The following LAMB1 variants were observed in gnomAD, a reference collection of about 807,000 sequenced individuals.
LAMB1 encodes the protein laminin subunit beta-1.
A neutral mutation model predicts 222.3 loss-of-function variants in LAMB1; 121 were observed. That is an observed-to-expected ratio of 0.54 (90% CI 0.47 to 0.63). The LOEUF is 0.63. Ranked by LOEUF, LAMB1 falls within the 30% of genes least tolerant of loss-of-function variation. The probability of loss-of-function intolerance (pLI) is 0.00; values close to 1 mark genes in which losing one functional copy is unlikely to be tolerated. For synonymous variants in LAMB1, 794 were observed against 807.2 expected, an observed-to-expected ratio of 0.98 and a Z score of 0.28; for missense variants, 2,172 against 2,240.8, an observed-to-expected ratio of 0.97 and a Z score of 0.62.
At chr7:107,982,120 A>T (rs564880523) in intron 7 of LAMB1, among the ~76,000 whole-genome samples, 1 of 152,304 alleles carries the variant, frequency 6.6e-6, no homozygotes, top group East Asian at 1.9e-4. Flanking sequence ...ACTTCTGCTT[A>T]TTGTAAATGC....
chr7:107,995,539 A>G (rs2034265952), intron 4 of LAMB1, among the ~76,000 whole-genome samples: 1 of 152,274 alleles, frequency 6.6e-6, no homozygotes, highest in Non-Finnish European at 1.5e-5. Context: ...ATGAAAAACA[A>G]CGCCAGAGAA....
At chr7:107,924,170 T>A in intron 33 of LAMB1, 60 bp downstream of exon 33, 1 of 1,545,934 alleles carries the variant, frequency 6.5e-7, no homozygotes, top group Non-Finnish European at 8.7e-7. Context: ...TTTTCACTTT[T>A]AAATAAACTA....
chr7:107,990,141 C>A (rs1428222295), intron 5 of LAMB1, among the ~76,000 whole-genome samples: 1 of 152,094 alleles, frequency 6.6e-6, no homozygotes, highest in African/African-American at 2.4e-5. Context: ...CGGGCTCAAG[C>A]AATCCTCCAA....
At chr7:107,979,040 G>A (rs2033923208) in intron 8 of LAMB1, among the ~76,000 whole-genome samples, 1 of 152,184 alleles carries the variant, frequency 6.6e-6, no homozygotes, top group African/African-American at 2.4e-5. Flanking sequence ...ATTACCAGGT[G>A]GTTTTACATA....
At position 107,961,284 on chromosome 7, in the gene LAMB1, G is replaced by A; in HGVS notation, c.2031C>T (p.Asn677=). Residue 677 remains asparagine, a synonymous_variant, in exon 17 of 34, where the codon AAC becomes AAT. Transcript: ENST00000222399. Reference sequence around the variant, plus strand: ...GAGGCAGCTCCAACCTCACCGTGTAGTTTGTTCCCTTCTCAAAGCACACCG... The same window carrying A: ...GAGGCAGCTCCAACCTCACCGTGTAATTTGTTCCCTTCTCAAAGCACACCG... ...PRPVCFEKGT[N]YTVRLELPQY... is the part of the protein sequence containing the mutation. The A allele has an allele frequency of 6.2e-7, 1 of 1,614,034 alleles. No homozygotes were observed. The highest frequency in any genetic ancestry group is 1.1e-5 in the South Asian group (1 of 91,064).
At chr7:107,961,519 G>T (rs202041324) in intron 16 of LAMB1, 30 bp downstream of exon 16, 8 of 1,601,554 alleles carry the variant, frequency 5.0e-6, no homozygotes, top group Non-Finnish European at 6.0e-6. Context: ...TATGAAGCCC[G>T]TTGAGCTGCC....
intron 5 of LAMB1, among the ~76,000 whole-genome samples, chr7:107,988,101 G>A (rs769638098): frequency 1.3e-5 from 2 of 152,196 alleles, no homozygotes; most frequent in African/African-American, 4.8e-5. Context: ...GATAGAAAGG[G>A]ATGGAACTGA....
At chr7:107,948,257 G>A (rs1031692886) in intron 24 of LAMB1, among the ~76,000 whole-genome samples, 1 of 152,088 alleles carries the variant, frequency 6.6e-6, no homozygotes, top group African/African-American at 2.4e-5. Flanking sequence ...AAAGTGTTGG[G>A]ATTACAGGCG....
chr7:107,935,474 G>A lies in LAMB1; in HGVS notation c.4129C>T (p.Leu1377Phe), dbSNP rs377656746. Residue 1377 changes from leucine (L) to phenylalanine (F), a missense_variant, in exon 27 of 34, where the codon CTC becomes TTC. Transcript: ENST00000222399. Reference sequence around the variant, plus strand: ...AGCTTGCCTGCCAGTTCATCAAGGAGGCGAGCCTGCTCCTCTTGTTTTTCC... The same window carrying A: ...AGCTTGCCTGCCAGTTCATCAAGGAAGCGAGCCTGCTCCTCTTGTTTTTCC... ...FKEKQEEQAR[L>F]LDELAGKLQS... 2.9e-5 allele frequency: 46 copies of A among 1,612,652 alleles called. No individual in the cohort carries two copies. The highest frequency in any genetic ancestry group is 3.2e-5 in the Non-Finnish European group (38 of 1,179,796).
chr7:107,950,915 G>A (rs1372205326), intron 24 of LAMB1, among the ~76,000 whole-genome samples: 1 of 133,704 alleles, frequency 7.5e-6, no homozygotes. Context: ...AGCTCTGTGT[G>A]TATTTGTGGT....
intron 27 of LAMB1, among the ~76,000 whole-genome samples, chr7:107,932,864 A>G (rs1226674860): frequency 6.6e-6 from 1 of 152,240 alleles, no homozygotes; most frequent in Non-Finnish European, 1.5e-5. Flanking sequence ...GGACTGGATC[A>G]TTCCACATAA....
At chr7:107,987,337 A>G (rs1376252039) in intron 5 of LAMB1, among the ~76,000 whole-genome samples, 1 of 152,208 alleles carries the variant, frequency 6.6e-6, no homozygotes, top group Non-Finnish European at 1.5e-5. Context: ...TGGGGTGATG[A>G]AAAAGTTCTG....
At chr7:107,992,027 ACTTTC>A (rs977180051) in intron 5 of LAMB1, among the ~76,000 whole-genome samples, 3 of 151,084 alleles carry the variant, frequency 2.0e-5, no homozygotes, top group Admixed American at 1.3e-4. Context: ...CTGCTTTTCT[ACTTTC>A]CTTTCCTTTC....
intron 29 of LAMB1, among the ~76,000 whole-genome samples, chr7:107,931,097 G>A (rs534002062): frequency 5.9e-5 from 9 of 152,104 alleles, no homozygotes; most frequent in East Asian, 1.9e-4. Context: ...CAAATTCCAC[G>A]TTCAATTTTC....
rs747952653 is a variant in LAMB1, at chr7:107,931,537, C to G, written c.4393-37G>C. The stretch of plus-strand genomic sequence containing the variant: ...GAATAAATTACCCAGGGAAGACTTT[C>G]ATTCTTTCTAAAGGAGACCAGAATA... On this transcript the variant is annotated intron_variant, in intron 28 of 33. Transcript: ENST00000222399. 3.1e-6 allele frequency: 5 copies of G among 1,594,758 alleles called. No homozygotes were observed. In the Admixed American group the frequency reaches 6.8e-5, roughly 22 times the overall value.
chr7:107,938,828 T>C (rs759974753), intron 25 of LAMB1, among the ~76,000 whole-genome samples: 1 of 152,196 alleles, frequency 6.6e-6, no homozygotes, highest in African/African-American at 2.4e-5. Flanking sequence ...TCTGGCCAGC[T>C]ACATGGTCTT....
chr7:107,940,638 A>T, intron 24 of LAMB1: 1 of 382,730 alleles, frequency 2.6e-6, no homozygotes, highest in South Asian at 4.0e-5. Context: ...GATACGTGTT[A>T]TAATAATCAC....
chr7:107,983,717 C>A (rs755540461), intron 7 of LAMB1, among the ~76,000 whole-genome samples: 1 of 151,968 alleles, frequency 6.6e-6, no homozygotes, highest in Non-Finnish European at 1.5e-5. Context: ...GGGGTTTCAC[C>A]ATGTTGGTCA....
Position 107,998,338 on chromosome 7 carries a change from C to T in LAMB1, c.349+19G>A, listed in dbSNP as rs756720953. On this transcript the variant is annotated intron_variant, in intron 4 of 33. Transcript: ENST00000222399. ...ATCAATCACACTCAACGGAACTTGTCCCCACACCAACCACATACCATTTTC... is the reference window on the plus strand; with the variant it reads ...ATCAATCACACTCAACGGAACTTGTTCCCACACCAACCACATACCATTTTC... 229 of 1,610,310 alleles carry T rather than the reference C, an allele frequency of 1.4e-4. No individual in the cohort carries two copies. The highest frequency in any genetic ancestry group is 1.8e-4 in the Non-Finnish European group (211 of 1,177,932).
Sources: gnomAD v4.1 joint callset for allele counts (sites outside exome capture counted in the v4.1 genomes callset) on GRCh38, gnomAD v4.1.1 for gene constraint, MANE v1.5 for transcripts, NCBI Gene and HGNC (gene_info 2026-07-23, HGNC 2026-07-21) for gene names.